Variants in GNAQ observed in about 807,000 individuals in gnomAD.
GNAQ encodes G protein subunit alpha q, also known as guanine nucleotide-binding protein G(q) subunit alpha.
GNAQ carries 8 observed loss-of-function variants against 43.9 expected under a neutral mutation model. The observed-to-expected ratio is 0.18, with a 90% CI of 0.11 to 0.33. The LOEUF is 0.33. Ranked by LOEUF, GNAQ falls within the 10% of genes least tolerant of loss-of-function variation. GNAQ has a pLI of 1.00. For missense variants in GNAQ, 158 were observed against 450.8 expected, an observed-to-expected ratio of 0.35 and a Z score of 5.88; for synonymous variants, 155 against 170.7, an observed-to-expected ratio of 0.91 and a Z score of 0.71.
chr9:77,914,391 G>A (rs921062049), intron 2 of GNAQ, among the ~76,000 whole-genome samples: 1 of 152,212 alleles, frequency 6.6e-6, no homozygotes, highest in African/African-American at 2.4e-5. Context: ...AGGCACAGTG[G>A]CTCATGCCTG....
At chr9:78,017,690 T>TA (rs2118595708) in intron 1 of GNAQ, among the ~76,000 whole-genome samples, 1 of 152,296 alleles carries the variant, frequency 6.6e-6, no homozygotes, top group South Asian at 2.1e-4. Context: ...TGATAGTAAT[T>TA]AAAAACTTCT....
intron 1 of GNAQ, among the ~76,000 whole-genome samples, chr9:77,924,686 CCA>C (rs1829043019): frequency 6.6e-6 from 1 of 152,132 alleles, no homozygotes. Flanking sequence ...TGGGCACTGT[CCA>C]CACACTGGAT....
chr9:77,723,129 A>G (rs1185941523), intron 6 of GNAQ, among the ~76,000 whole-genome samples: 1 of 152,244 alleles, frequency 6.6e-6, no homozygotes, highest in Non-Finnish European at 1.5e-5. Context: ...AGATATACAA[A>G]TGGTCAATAA....
chr9:77,932,796 A>G (rs747532392), intron 1 of GNAQ, among the ~76,000 whole-genome samples: 4 of 152,226 alleles, frequency 2.6e-5, no homozygotes, highest in Non-Finnish European at 5.9e-5. Flanking sequence ...CAGTGAAGTA[A>G]CAGGCCTTGA....
chr9:77,958,866 G>T (rs1321105200), intron 1 of GNAQ, among the ~76,000 whole-genome samples: 2 of 152,100 alleles, frequency 1.3e-5, no homozygotes, highest in Non-Finnish European at 1.5e-5. Flanking sequence ...AAAACTAGCA[G>T]TTTGCAACCC....
At chr9:77,835,606 C>A (rs970686483) in intron 2 of GNAQ, among the ~76,000 whole-genome samples, 2 of 152,054 alleles carry the variant, frequency 1.3e-5, no homozygotes, top group African/African-American at 4.8e-5. Flanking sequence ...GACTGTGCAC[C>A]AGGCAGGCAC....
intron 3 of GNAQ, among the ~76,000 whole-genome samples, chr9:77,798,419 T>C (rs1359236562): frequency 6.6e-6 from 1 of 152,170 alleles, no homozygotes; most frequent in African/African-American, 2.4e-5. Context: ...AATAACATCT[T>C]ACATAATCAT....
intron 5 of GNAQ, among the ~76,000 whole-genome samples, chr9:77,787,574 A>G (rs1171933645): frequency 6.6e-6 from 1 of 152,244 alleles, no homozygotes; most frequent in Non-Finnish European, 1.5e-5. Context: ...CACAAAATCA[A>G]TTATATGTAT....
At chr9:77,825,755 C>T (rs1388092469) in intron 2 of GNAQ, among the ~76,000 whole-genome samples, 1 of 152,000 alleles carries the variant, frequency 6.6e-6, no homozygotes, top group Non-Finnish European at 1.5e-5. Context: ...AATAAGAATG[C>T]TTCATTAAAA....
At chr9:77,970,991 C>T (rs1355671606) in intron 1 of GNAQ, among the ~76,000 whole-genome samples, 1 of 151,982 alleles carries the variant, frequency 6.6e-6, no homozygotes, top group Non-Finnish European at 1.5e-5. Context: ...CAGAGAATAC[C>T]ATAAACCCCT....
rs1407164524 is a variant in GNAQ, at chr9:77,762,350, G to A, written c.735+32113C>T. 5.6e-5 allele frequency among the ~76,000 whole-genome samples: 8 copies of A among 142,876 alleles called. No individual in the cohort carries two copies. In the South Asian group the frequency reaches 6.9e-4, roughly 12 times the overall value. 93.7% of individuals were successfully genotyped at this position (142,876 alleles called of 152,430 possible). A position where few individuals can be genotyped will look rare whatever the true frequency, so the allele number is the denominator to read the frequency against. On this transcript the variant is annotated intron_variant, in intron 5 of 6. Coordinates refer to ENST00000286548, the MANE Select transcript of GNAQ (RefSeq NM_002072.5). ...CCGCCCCACCTGGGAGGTGAGGGGC[G>A]CCTCTGCCCGGCCGCCCCTACTGGG... is the stretch of plus-strand genomic sequence containing the variant.
intron 2 of GNAQ, among the ~76,000 whole-genome samples, chr9:77,816,639 T>C (rs1827022159): frequency 1.3e-5 from 2 of 152,078 alleles, no homozygotes; most frequent in African/African-American, 2.4e-5. Context: ...ACAAAGTATA[T>C]ATACATAAAT....
intron 1 of GNAQ, among the ~76,000 whole-genome samples, chr9:77,933,778 C>T (rs1408451891): frequency 1.3e-5 from 2 of 152,120 alleles, no homozygotes; most frequent in African/African-American, 4.8e-5. Flanking sequence ...AGCGAGGACC[C>T]TTCAAACTTA....
At chr9:77,807,362 T>C (rs945808959) in intron 3 of GNAQ, among the ~76,000 whole-genome samples, 20 of 152,228 alleles carry the variant, frequency 1.3e-4, no homozygotes, top group Non-Finnish European at 1.9e-4. Context: ...TCTGCTTCAA[T>C]TGATTGCTAA....
At chr9:77,910,594 T>C (rs1446988461) in intron 2 of GNAQ, among the ~76,000 whole-genome samples, 1 of 152,096 alleles carries the variant, frequency 6.6e-6, no homozygotes, top group Non-Finnish European at 1.5e-5. Flanking sequence ...CAGAGTTCGC[T>C]CATGTGTTTG....
At chr9:77,792,571 A>G (rs1226813659) in intron 5 of GNAQ, among the ~76,000 whole-genome samples, 1 of 152,172 alleles carries the variant, frequency 6.6e-6, no homozygotes, top group Admixed American at 6.5e-5. Flanking sequence ...ACCAGATTCA[A>G]TTCGGTTGAA....
intron 1 of GNAQ, among the ~76,000 whole-genome samples, chr9:77,990,696 A>C (rs1165702356): frequency 6.6e-6 from 1 of 152,266 alleles, no homozygotes; most frequent in Non-Finnish European, 1.5e-5. Context: ...GTTATCAGAG[A>C]CAATAGCGTA....
intron 3 of GNAQ, among the ~76,000 whole-genome samples, chr9:77,812,869 T>C (rs1019521502): frequency 6.6e-6 from 1 of 151,804 alleles, no homozygotes; most frequent in Admixed American, 6.6e-5. Flanking sequence ...TATGTCTACA[T>C]ATATATACAT....
At chr9:77,956,339 T>G (rs1261501675) in intron 1 of GNAQ, among the ~76,000 whole-genome samples, 1 of 152,194 alleles carries the variant, frequency 6.6e-6, no homozygotes, top group Non-Finnish European at 1.5e-5. Context: ...TTGTACAAAT[T>G]TAAGATTCCT....
Sources: allele counts gnomAD v4.1 joint callset (sites outside exome capture counted in the v4.1 genomes callset), GRCh38; gene constraint gnomAD v4.1.1; transcripts MANE v1.5; gene names NCBI Gene and HGNC (gene_info 2026-07-23, HGNC 2026-07-21).